The following TAFA1 variants were observed in gnomAD, a reference collection of about 807,000 sequenced individuals.
TAFA1 encodes chemokine-like protein TAFA-1.
Under a neutral mutation model 18.5 loss-of-function variants are expected in TAFA1, and 4 were observed. The ratio of observed to expected loss-of-function variants is 0.22; its 90% CI spans 0.11 to 0.49. The LOEUF is 0.49. TAFA1 is among the 20% of genes least tolerant of loss of function. TAFA1 has a pLI of 0.98. For synonymous variants in TAFA1, 56 were observed against 55.2 expected (o/e 1.01, Z -0.06); for missense variants, 147 against 169.0 (o/e 0.87, Z 0.72).
chr3:68,012,078 C>T (rs1253720199), intron 2 of TAFA1, among the ~76,000 whole-genome samples: 1 of 152,138 alleles, frequency 6.6e-6, no homozygotes, highest in East Asian at 1.9e-4. Context: ...TTAAAGTTTA[C>T]TTAAGAAGAC....
chr3:68,241,286 A>C (rs555560625), intron 2 of TAFA1, among the ~76,000 whole-genome samples: 1 of 152,274 alleles, frequency 6.6e-6, no homozygotes, highest in South Asian at 2.1e-4. Flanking sequence ...TTGCAGATTT[A>C]AATAGAAGGA....
chr3:68,070,957 G>A (rs2064747211), intron 2 of TAFA1, among the ~76,000 whole-genome samples: 1 of 152,134 alleles, frequency 6.6e-6, no homozygotes, highest in African/African-American at 2.4e-5. Context: ...AGTCTCTAGG[G>A]AGTTCCAAAC....
At position 68,376,389 on chromosome 3, in the gene TAFA1, G is replaced by C. The variant is rs1031926655; in HGVS notation, c.119-40891G>C. The stretch of plus-strand genomic sequence containing the variant: ...CCAGTACCCATTAGTTAGTTTTCCT[G>C]GTCTTCTCCCTCCTCCCACCATCTA... On this transcript the variant is annotated intron_variant, in intron 2 of 4. Transcript: ENST00000478136. Among the ~76,000 whole-genome samples the C allele has an allele frequency of 2.0e-5, 3 of 151,552 alleles. No individual in the cohort carries two copies. In the East Asian group the frequency reaches 5.8e-4, roughly 29 times the overall value.
intron 2 of TAFA1, among the ~76,000 whole-genome samples, chr3:68,015,003 A>C (rs1172267137): frequency 1.3e-5 from 2 of 152,046 alleles, no homozygotes; most frequent in East Asian, 3.9e-4. Flanking sequence ...ATTTCTAATG[A>C]TTTTATCAAA....
Position 68,273,560 on chromosome 3 carries a change from C to G in TAFA1, c.119-143720C>G, listed in dbSNP as rs376277525. Among the ~76,000 whole-genome samples the G allele has an allele frequency of 1.1e-4, 16 of 152,276 alleles. 1 individual carries two copies. The highest frequency in any genetic ancestry group is 3.6e-4 in the African/African-American group (15 of 41,552). On this transcript the variant is annotated intron_variant, in intron 2 of 4. Transcript: ENST00000478136. ...ATTACCAAGGTAAGAAAAGGCCAAG[C>G]AAGAGAACAACCTGAAGGCAGATGG...
Position 68,327,359 on chromosome 3 carries a change from C to G in TAFA1, c.119-89921C>G, listed in dbSNP as rs560673770. On this transcript the variant is annotated intron_variant, in intron 2 of 4. Transcript: ENST00000478136. Reference sequence around the variant, plus strand: ...AATTTGAGGCCTATCATTTACAGTTCTAGCAGAGTTTTGTAAAAATGTATT... The same window carrying G: ...AATTTGAGGCCTATCATTTACAGTTGTAGCAGAGTTTTGTAAAAATGTATT... Among the ~76,000 whole-genome samples, 287 of 152,126 alleles carry G rather than the reference C, an allele frequency of 1.9e-3. 1 individual carries two copies. Among genetic ancestry groups the G allele is most frequent in the Non-Finnish European group, 3.1e-3 (211 of 67,990 alleles).
intron 3 of TAFA1, among the ~76,000 whole-genome samples, chr3:68,439,134 T>C (rs2071318346): frequency 6.6e-6 from 1 of 152,116 alleles, no homozygotes; most frequent in African/African-American, 2.4e-5. Flanking sequence ...GGTTTTTCTC[T>C]CCTGAACATG....
rs181674571 is a variant in TAFA1 at position 68,307,527 on chromosome 3, T to G, written c.119-109753T>G. 1.3e-4 allele frequency among the ~76,000 whole-genome samples: 20 copies of G among 152,342 alleles called. No individual in the cohort carries two copies. The East Asian group carries it at 3.9e-3, about 29-fold the overall frequency. On this transcript the variant is annotated intron_variant, in intron 2 of 4. Coordinates refer to ENST00000478136, the MANE Select transcript of TAFA1 (RefSeq NM_213609.4). ...CTACATACATGAATAATATGACATGTTAATTTTTTCAAACTTACTGTATAT... is the reference window on the plus strand; with the variant it reads ...CTACATACATGAATAATATGACATGGTAATTTTTTCAAACTTACTGTATAT...
At chr3:68,273,534 G>T (rs981374668) in intron 2 of TAFA1, among the ~76,000 whole-genome samples, 3 of 152,188 alleles carry the variant, frequency 2.0e-5, no homozygotes, top group Non-Finnish European at 4.4e-5. Context: ...AAGCAGGTAA[G>T]ATTACCAAGG....
intron 3 of TAFA1, among the ~76,000 whole-genome samples, chr3:68,471,683 C>A (rs374379413): frequency 1.3e-5 from 2 of 152,134 alleles, no homozygotes; most frequent in East Asian, 3.9e-4. Context: ...GGTGCCCACC[C>A]AAATTGAGGG....
At chr3:68,202,102 C>G (rs2066475919) in intron 2 of TAFA1, among the ~76,000 whole-genome samples, 1 of 151,722 alleles carries the variant, frequency 6.6e-6, no homozygotes. Flanking sequence ...CTCCTAACAC[C>G]ACCTCATTGG....
intron 2 of TAFA1, among the ~76,000 whole-genome samples, chr3:68,141,161 C>T (rs1165047945): frequency 6.6e-6 from 1 of 152,150 alleles, no homozygotes; most frequent in Non-Finnish European, 1.5e-5. Context: ...CAAACGGGTG[C>T]CACGGGTCAA....
At chr3:68,000,006 C>T (rs1704267549), upstream of TAFA1, among the ~76,000 whole-genome samples, 1 of 152,118 alleles carries the variant, frequency 6.6e-6, no homozygotes, top group Non-Finnish European at 1.5e-5. Context: ...CCAGGCTTGT[C>T]TTGAACTCCT....
At chr3:68,106,974 G>T (rs565826338) in intron 2 of TAFA1, among the ~76,000 whole-genome samples, 6 of 152,264 alleles carry the variant, frequency 3.9e-5, no homozygotes, top group Admixed American at 3.9e-4. Flanking sequence ...CTCATACATT[G>T]TTGGTAGGAA....
At chr3:68,349,645 G>A (rs752594762) in intron 2 of TAFA1, among the ~76,000 whole-genome samples, 1 of 152,098 alleles carries the variant, frequency 6.6e-6, no homozygotes, top group Non-Finnish European at 1.5e-5. Context: ...GAGGCTTACA[G>A]GTTTCTATCA....
At chr3:68,534,657 C>T (rs192028501) in intron 3 of TAFA1, among the ~76,000 whole-genome samples, 2 of 152,248 alleles carry the variant, frequency 1.3e-5, no homozygotes, top group Admixed American at 1.3e-4. Flanking sequence ...CTTAGAAAGC[C>T]TCTTCTTTTC....
At chr3:68,236,960 C>G (rs2107127963) in intron 2 of TAFA1, among the ~76,000 whole-genome samples, 1 of 152,284 alleles carries the variant, frequency 6.6e-6, no homozygotes, top group South Asian at 2.1e-4. Context: ...CATGAATTAG[C>G]TGTTCTAATG....
chr3:68,444,690 G>A (rs887259226), intron 3 of TAFA1, among the ~76,000 whole-genome samples: 3 of 150,830 alleles, frequency 2.0e-5, no homozygotes, highest in Non-Finnish European at 4.4e-5. Context: ...TCAGCACTTT[G>A]GGAGGCCAAG....
intron 3 of TAFA1, among the ~76,000 whole-genome samples, chr3:68,536,997 C>G (rs527793448): frequency 6.6e-6 from 1 of 152,106 alleles, no homozygotes; most frequent in South Asian, 2.1e-4. Context: ...TTTTCTATGC[C>G]AGGCCTTTGA....
Sources: gnomAD v4.1 joint callset for allele counts (sites outside exome capture counted in the v4.1 genomes callset) on GRCh38, gnomAD v4.1.1 for gene constraint, MANE v1.5 for transcripts, NCBI Gene and HGNC (gene_info 2026-07-23, HGNC 2026-07-21) for gene names.